TAS2R1: variants seen among roughly 807,000 people sequenced by gnomAD.
TAS2R1 encodes taste receptor type 2 member 1.
For missense variants in TAS2R1, 370 were observed against 353.4 expected, an observed-to-expected ratio of 1.05 and a Z score of -0.38; for synonymous variants, 141 against 134.2, an observed-to-expected ratio of 1.05 and a Z score of -0.35.
At chr5:9,815,613 C>T in the TAS2R1 span, among the ~76,000 whole-genome samples, 3 of 151,898 alleles carry the variant, frequency 2.0e-5, no homozygotes, top group South Asian at 6.3e-4. Context: ...CCAAGGATAG[C>T]AGGGGATCCA....
chr5:9,669,054 A>G (rs1488374346), intron 1 of TAS2R1, among the ~76,000 whole-genome samples: 1 of 152,208 alleles, frequency 6.6e-6, no homozygotes, highest in African/African-American at 2.4e-5. Flanking sequence ...GCTCAAAATA[A>G]AGGGATAGAG....
chr5:9,741,794 C>T, the TAS2R1 span, among the ~76,000 whole-genome samples: 4 of 152,098 alleles, frequency 2.6e-5, no homozygotes, highest in Admixed American at 6.5e-5. Context: ...GTCCCAGGGT[C>T]GTGCCTTCAT....
the TAS2R1 span, among the ~76,000 whole-genome samples, chr5:9,860,907 T>G: frequency 6.6e-6 from 1 of 151,482 alleles, no homozygotes; most frequent in South Asian, 2.1e-4. Flanking sequence ...CAAGACGATC[T>G]AAGCAGCAGC....
At chr5:9,880,994 G>A in the TAS2R1 span, among the ~76,000 whole-genome samples, 1 of 152,088 alleles carries the variant, frequency 6.6e-6, no homozygotes, top group Non-Finnish European at 1.5e-5. Flanking sequence ...CCCCTGGGGA[G>A]GAGGAGGAGC....
intron 1 of TAS2R1, among the ~76,000 whole-genome samples, chr5:9,685,640 C>T (rs915374052): frequency 5.3e-5 from 8 of 152,272 alleles, no homozygotes; most frequent in African/African-American, 1.9e-4. Context: ...GATCTCAAAA[C>T]TTTGGATGGC....
At chr5:9,768,176 C>G in the TAS2R1 span, among the ~76,000 whole-genome samples, 1 of 151,772 alleles carries the variant, frequency 6.6e-6, no homozygotes, top group Non-Finnish European at 1.5e-5. Flanking sequence ...TGTGCACTCT[C>G]TCTGTCTGGA....
the TAS2R1 span, among the ~76,000 whole-genome samples, chr5:9,779,560 G>A: frequency 6.6e-6 from 1 of 152,174 alleles, no homozygotes; most frequent in Non-Finnish European, 1.5e-5. Flanking sequence ...CAAGAGGAGA[G>A]GAAGAGAGAT....
chr5:9,873,619 C>A, the TAS2R1 span, among the ~76,000 whole-genome samples: 1 of 151,842 alleles, frequency 6.6e-6, no homozygotes, highest in Admixed American at 6.6e-5. Flanking sequence ...GTAATCCTAG[C>A]ACTTTGGGAG....
the TAS2R1 span, among the ~76,000 whole-genome samples, chr5:9,837,953 T>C: frequency 6.6e-6 from 1 of 152,226 alleles, no homozygotes; most frequent in South Asian, 2.1e-4. Context: ...TCTGTGTCTC[T>C]TTCATGGTCT....
intron 1 of TAS2R1, among the ~76,000 whole-genome samples, chr5:9,680,410 T>C (rs1159844651): frequency 2.0e-5 from 3 of 151,994 alleles, no homozygotes. Flanking sequence ...TTCCAAAAAC[T>C]GCAGTGTCGA....
the TAS2R1 span, among the ~76,000 whole-genome samples, chr5:9,856,001 G>T: frequency 2.6e-5 from 4 of 151,882 alleles, no homozygotes; most frequent in Non-Finnish European, 5.9e-5. Flanking sequence ...CATAAAGGAA[G>T]AAAAGATTAT....
upstream of TAS2R1, among the ~76,000 whole-genome samples, chr5:9,633,299 TATATATATATATATATATATAC>T (rs1561364940): frequency 8.9e-6 from 1 of 112,950 alleles, no homozygotes; most frequent in African/African-American, 4.2e-5. Flanking sequence ...GTATATTATA[TATATATATATATATATATATAC>T]ACAAATGTTC....
At chr5:9,819,843 A>G in the TAS2R1 span, among the ~76,000 whole-genome samples, 10 of 152,062 alleles carry the variant, frequency 6.6e-5, no homozygotes, top group Admixed American at 6.6e-4. Context: ...TAGGACATTC[A>G]TGTTAACCCA....
At chr5:9,636,995 T>C (rs367699376) in intron 2 of TAS2R1, among the ~76,000 whole-genome samples, 154 of 152,116 alleles carry the variant, frequency 1.0e-3, no homozygotes, top group Non-Finnish European at 1.9e-3. Context: ...GTTTTTTTTT[T>C]TCCATTGTGT....
the TAS2R1 span, among the ~76,000 whole-genome samples, chr5:9,794,511 TAA>T: frequency 3.3e-5 from 5 of 152,202 alleles, no homozygotes; most frequent in Non-Finnish European, 7.4e-5. Context: ...TAAACAAATA[TAA>T]GTGATCATTC....
the TAS2R1 span, chr5:9,761,043 C>A: frequency 3.9e-5 from 6 of 152,106 alleles, no homozygotes; most frequent in African/African-American, 1.2e-4. Context: ...CAGAAAACCC[C>A]CTAAGAATCC....
chr5:9,711,755 C>A (rs1233628086), intron 1 of TAS2R1, among the ~76,000 whole-genome samples: 1 of 152,128 alleles, frequency 6.6e-6, no homozygotes, highest in Non-Finnish European at 1.5e-5. Context: ...CTCTACCTCC[C>A]AGGTTTTAGA....
At chr5:9,737,814 T>A in the TAS2R1 span, among the ~76,000 whole-genome samples, 2 of 152,222 alleles carry the variant, frequency 1.3e-5, no homozygotes, top group African/African-American at 4.8e-5. Flanking sequence ...ATTTCTTGTC[T>A]TCATGACTTA....
At chr5:9,842,312 C>CTTTTTTTTTTTTTTTTTTTTTTT in the TAS2R1 span, among the ~76,000 whole-genome samples, 2 of 120,378 alleles carry the variant, frequency 1.7e-5, no homozygotes, top group Non-Finnish European at 1.8e-5. Context: ...GTCTTTCTTT[C>CTTTTTTTTTTTTTTTTTTTTTTT]TCTCTTTTTT....
Sources: gnomAD v4.1 joint callset for allele counts (sites outside exome capture counted in the v4.1 genomes callset) on GRCh38, gnomAD v4.1.1 for gene constraint, MANE v1.5 for transcripts, NCBI Gene and HGNC (gene_info 2026-07-23, HGNC 2026-07-21) for gene names.